Variants in RSRP1 observed in about 807,000 individuals in gnomAD.
The protein encoded by RSRP1 is arginine and serine rich protein 1.
In RSRP1, 37 loss-of-function variants were observed where a neutral mutation model predicts 33.0. That is an observed-to-expected ratio of 1.12 (90% CI 0.86 to 1.48). The LOEUF (loss-of-function observed/expected upper bound fraction) is 1.48. Among genes scored for constraint, RSRP1 ranks in the 40% most tolerant of loss-of-function variants. The pLI, the probability that RSRP1 is intolerant of heterozygous loss-of-function variation, is 0.00. For missense variants in RSRP1, 402 were observed against 385.3 expected, an observed-to-expected ratio of 1.04 and a Z score of -0.36; for synonymous variants, 167 against 158.7, an observed-to-expected ratio of 1.05 and a Z score of -0.40.
In RSRP1 at chr1:25,296,124, A is replaced by G. The variant is rs1434380751; in HGVS notation, c.-67+41854T>C. On this transcript the variant is annotated intron_variant, in intron 1 of 1. Transcript: ENST00000561867. ...GTGATCCACCCGCCTTGGCCTCCCAAAGTGCTGGGATTAGAGGTGTGAGCC... is the reference window on the plus strand; with the variant it reads ...GTGATCCACCCGCCTTGGCCTCCCAGAGTGCTGGGATTAGAGGTGTGAGCC... Among the ~76,000 whole-genome samples, 7 of 116,644 alleles carry G rather than the reference A, an allele frequency of 6.0e-5. 2 individuals are homozygous for G. Among genetic ancestry groups the G allele is most frequent in the African/African-American group, 2.0e-4 (7 of 34,630 alleles). 76.5% of individuals were successfully genotyped at this position (116,644 alleles called of 152,430 possible). A position where few individuals can be genotyped will look rare whatever the true frequency, so the allele number is the denominator to read the frequency against.
At chr1:25,248,064 A>G (rs1639624749), upstream of RSRP1, 1 of 152,386 alleles carries the variant, frequency 6.6e-6, no homozygotes, top group Non-Finnish European at 1.5e-5. Flanking sequence ...CCTCCCCCGG[A>G]ACACCCCAAG....
rs566142941 is a variant in RSRP1, at chr1:25,282,110, T to C, written c.-66-35081A>G. 3.0e-5 allele frequency among the ~76,000 whole-genome samples: 4 copies of C among 132,674 alleles called. 1 individual carries two copies. In the East Asian group the frequency reaches 7.8e-4, roughly 26 times the overall value. The allele number at this position is 132,674 out of a possible 152,430, so 87.0% of individuals were successfully genotyped here. On this transcript the variant is annotated intron_variant, in intron 1 of 1. Transcript: ENST00000561867. ...GCCAGTCACTGTACTAAACATTATT[T>C]CCTTTGGATTTCCCAGAAACCTCTC...
At chr1:25,261,414 T>C (rs113889258) in intron 1 of RSRP1, among the ~76,000 whole-genome samples, 2,177 of 151,534 alleles carry the variant, frequency 0.014, 48 homozygotes, top group African/African-American at 0.049. Context: ...TTCTTTTTTT[T>C]TTTTTTTTGA....
chr1:25,284,594 T>C, intron 1 of RSRP1: 1 of 1,389,316 alleles, frequency 7.2e-7, no homozygotes, highest in Non-Finnish European at 1.0e-6. Context: ...CTGACCGTGA[T>C]GGCGGCCATT....
At position 25,293,860 on chromosome 1, in the gene RSRP1, G is replaced by T. The variant is rs1317070099; in HGVS notation, c.-67+44118C>A. ...TAATAAAGCTGGATTCTCTTTAAGA[G>T]ATTGAGAAATTAAAAGGCAAAAGCT... On this transcript the variant is annotated intron_variant, in intron 1 of 1. Transcript: ENST00000561867. Among the ~76,000 whole-genome samples, 5 of 131,920 alleles carry T rather than the reference G, an allele frequency of 3.8e-5. 2 individuals carry two copies. The highest frequency in any genetic ancestry group is 8.9e-5 in the Non-Finnish European group (5 of 55,946). The allele number at this position is 131,920 out of a possible 152,430, so 86.5% of individuals were successfully genotyped here.
chr1:25,263,600 CA>C (rs1317146763), intron 1 of RSRP1, among the ~76,000 whole-genome samples: 2 of 151,900 alleles, frequency 1.3e-5, no homozygotes, highest in Non-Finnish European at 2.9e-5. Flanking sequence ...GTCCCTCCCA[CA>C]ACGCATGGGA....
At position 25,245,207 on chromosome 1, in the gene RSRP1, AG is replaced by A. The variant is rs769348047; in HGVS notation, c.614del (p.Pro205LeufsTer10). On this transcript the variant is annotated frameshift_variant, in exon 3 of 5. Coordinates refer to ENST00000243189, the MANE Select transcript of RSRP1 (RefSeq NM_020317.5). LOFTEE classifies it high-confidence loss of function. ...TTCCACGGCTTGTTTCTTTGGCTGA[AG>A]GAACAGTTCTGAGACTAGCTGGCAA... ...IDLPASLRTV[P>X]SAKETSRGIG... 4 of 1,614,178 alleles carry A rather than the reference AG, an allele frequency of 2.5e-6. No homozygotes were observed. Among genetic ancestry groups the A allele is most frequent in the East Asian group, 2.2e-5 (1 of 44,882 alleles).
At chr1:25,251,380 T>C (rs867261857), upstream of RSRP1, among the ~76,000 whole-genome samples, 1 of 152,104 alleles carries the variant, frequency 6.6e-6, no homozygotes, top group Admixed American at 6.6e-5. Context: ...CTTTTTTTTT[T>C]CTTTTTTGAG....
Position 25,243,554 on chromosome 1 carries a change from G to A in RSRP1, c.752C>T (p.Ser251Phe). 6.2e-7 allele frequency: 1 copy of A among 1,613,512 alleles called. No individual in the cohort carries two copies. The highest frequency in any genetic ancestry group is 1.1e-5 in the South Asian group (1 of 91,026). ...PTQQRSIAFS[S>F]NNSVAKPIQK... ...TCAATGCCTGGATATACTTACATTA[G>A]AGCTAAAAGCTATGCTTCTTTGCTG... The change falls in exon 4 of 5, where the codon TCT becomes TTT. Residue 251 changes from serine (S) to phenylalanine (F), a missense_variant. Coordinates refer to ENST00000243189, the MANE Select transcript of RSRP1 (RefSeq NM_020317.5).
intron 1 of RSRP1, among the ~76,000 whole-genome samples, chr1:25,254,308 A>T (rs759906069): frequency 2.0e-5 from 3 of 152,214 alleles, no homozygotes; most frequent in Admixed American, 6.5e-5. Context: ...GGCACCCTTG[A>T]TAAATTTAAC....
chr1:25,275,799 T>G (rs1640911046), intron 1 of RSRP1, among the ~76,000 whole-genome samples: 1 of 132,550 alleles, frequency 7.5e-6, no homozygotes, highest in African/African-American at 2.6e-5. Flanking sequence ...AATTTGAAAT[T>G]GTCTTGATTG....
intron 1 of RSRP1, among the ~76,000 whole-genome samples, chr1:25,274,532 G>A (rs1046941294): frequency 2.3e-5 from 3 of 132,828 alleles, no homozygotes; most frequent in Admixed American, 2.2e-4. Flanking sequence ...ACCCAGGCAG[G>A]GGAGACGATG....
intron 1 of RSRP1, among the ~76,000 whole-genome samples, chr1:25,286,805 A>G (rs1235507430): frequency 2.3e-5 from 3 of 131,754 alleles, no homozygotes; most frequent in East Asian, 2.0e-4. Context: ...AAACAAAAAC[A>G]GTTTTAGGCC....
In RSRP1 at chr1:25,246,659, C is replaced by T; in HGVS notation, c.305G>A (p.Arg102Lys). 6.2e-7 allele frequency: 1 copy of T among 1,613,678 alleles called. No homozygotes were observed. The highest frequency in any genetic ancestry group is 8.5e-7 in the Non-Finnish European group (1 of 1,179,704). The change falls in exon 2 of 5, where the codon AGG becomes AAG. Residue 102 changes from arginine (R) to lysine (K), a missense_variant. Coordinates refer to ENST00000243189, the MANE Select transcript of RSRP1 (RefSeq NM_020317.5). Reference protein sequence around the residue: ...RYRERRYGFTRRYYRSPSRYR... With the variant: ...RYRERRYGFTKRYYRSPSRYR... ...CCGCGAAGGAGACCGGTAGTATCTC[C>T]TGGTGAACCCGTAGCGCCTCTCTCG...
chr1:25,244,868 AAC>A lies in RSRP1; in HGVS notation c.672+280_672+281del, dbSNP rs995900459. On this transcript the variant is annotated intron_variant, in intron 3 of 4. Coordinates refer to ENST00000243189, the MANE Select transcript of RSRP1 (RefSeq NM_020317.5). ...CTGGCTAATTTTTGTATTTTTTGTA[AAC>A]ACGCGGTTTTGCCACATTGCCCAGG... is the stretch of plus-strand genomic sequence containing the variant. 128 of 1,135,258 alleles carry A rather than the reference AAC, an allele frequency of 1.1e-4. No homozygotes were observed. In the African/African-American group the frequency reaches 1.3e-3, roughly 12 times the overall value. 70.3% of individuals were successfully genotyped at this position (1,135,258 alleles called of 1,614,324 possible).
rs758070716 is a variant in RSRP1 at position 25,329,072 on chromosome 1, C to T, written c.-67+8906G>A. ...GGAGTCAGAGAAAATGGAGTTGAAT[C>T]CTTTCTCTGCCACTCTTTGAGGAGA... On this transcript the variant is annotated intron_variant, in intron 1 of 1. Coordinates refer to the RSRP1 transcript ENST00000561867. The T allele has an allele frequency of 1.8e-5, 24 of 1,321,886 alleles. 2 individuals are homozygous for T. The African/African-American group carries it at 3.3e-4, about 18-fold the overall frequency. 81.9% of individuals were successfully genotyped at this position (1,321,886 alleles called of 1,614,324 possible).
chr1:25,318,863 T>G (rs1204342825), intron 1 of RSRP1, among the ~76,000 whole-genome samples: 1 of 132,518 alleles, frequency 7.5e-6, no homozygotes, highest in Admixed American at 7.4e-5. Context: ...AGGTACTTTT[T>G]GGAGTTACCT....
In RSRP1 at chr1:25,273,887, G is replaced by T. The variant is rs1474286432; in HGVS notation, c.-66-26858C>A. Reference sequence around the variant, plus strand: ...GAAGCAAAGAGAAGTCATCCTGGGGGCCATGGCAGTGACAAGTAGGACTTA... The same window carrying T: ...GAAGCAAAGAGAAGTCATCCTGGGGTCCATGGCAGTGACAAGTAGGACTTA... On this transcript the variant is annotated intron_variant, in intron 1 of 1. Transcript: ENST00000561867. Among the ~76,000 whole-genome samples, 2 of 129,268 alleles carry T rather than the reference G, an allele frequency of 1.5e-5. 1 individual carries two copies. The highest frequency in any genetic ancestry group is 3.7e-5 in the Non-Finnish European group (2 of 54,568). The allele number at this position is 129,268 out of a possible 152,430, so 84.8% of individuals were successfully genotyped here.
At chr1:25,251,848 T>C (rs957169469), upstream of RSRP1, among the ~76,000 whole-genome samples, 2 of 152,042 alleles carry the variant, frequency 1.3e-5, no homozygotes, top group African/African-American at 2.4e-5. Context: ...ACGAGTGCCC[T>C]TCCACAGTTT....
Sources: allele counts gnomAD v4.1 joint callset (sites outside exome capture counted in the v4.1 genomes callset), GRCh38; gene constraint gnomAD v4.1.1; transcripts MANE v1.5; gene names NCBI Gene and HGNC (gene_info 2026-07-23, HGNC 2026-07-21).